The following GALNT18 variants were observed in gnomAD, a reference collection of about 807,000 sequenced individuals.
GALNT18 encodes polypeptide N-acetylgalactosaminyltransferase 18.
Under a neutral mutation model 69.5 loss-of-function variants are expected in GALNT18, and 44 were observed. The observed-to-expected ratio is 0.63, with a 90% CI of 0.50 to 0.81. The LOEUF is 0.81. GALNT18 is among the 40% of genes least tolerant of loss of function. The probability of loss-of-function intolerance (pLI) is 0.00; values close to 1 mark genes in which losing one functional copy is unlikely to be tolerated. For missense variants in GALNT18, 715 were observed against 810.0 expected, an observed-to-expected ratio of 0.88 and a Z score of 1.42; for synonymous variants, 364 against 318.2, an observed-to-expected ratio of 1.14 and a Z score of -1.53.
At chr11:11,508,710 TA>T (rs1266458528) in intron 1 of GALNT18, among the ~76,000 whole-genome samples, 15 of 152,208 alleles carry the variant, frequency 9.9e-5, no homozygotes, top group African/African-American at 3.6e-4. Flanking sequence ...TGGTTAATGA[TA>T]ATGAAGCCTT....
Position 11,439,895 on chromosome 11 carries a change from C to T in GALNT18, c.429-7108G>A, listed in dbSNP as rs1420770337. 6.6e-6 allele frequency among the ~76,000 whole-genome samples: 1 copy of T among 152,164 alleles called. No homozygotes were observed. The highest frequency in any genetic ancestry group is 2.4e-5 in the African/African-American group (1 of 41,428). ...GGGGTGAAGAACAGGATGATGGAGG[C>T]AGGGTGGGGATACTAAATATATCCA... is the stretch of plus-strand genomic sequence containing the variant. On this transcript the variant is annotated intron_variant, in intron 2 of 10. Coordinates refer to ENST00000227756, the MANE Select transcript of GALNT18 (RefSeq NM_198516.3). The surrounding 1 kb of genome is among the most constrained non-coding windows in gnomAD (Gnocchi z 4.4).
chr11:11,422,856 T>C (rs949831946), intron 3 of GALNT18, among the ~76,000 whole-genome samples: 1 of 152,170 alleles, frequency 6.6e-6, no homozygotes, highest in African/African-American at 2.4e-5. Context: ...ACATTGACTT[T>C]CTTACCAACA....
chr11:11,507,102 T>C (rs1200863013), intron 1 of GALNT18, among the ~76,000 whole-genome samples: 1 of 152,206 alleles, frequency 6.6e-6, no homozygotes, highest in Non-Finnish European at 1.5e-5. Flanking sequence ...GTTGGTTGGC[T>C]TCCTTGGCAC....
intron 1 of GALNT18, among the ~76,000 whole-genome samples, chr11:11,579,484 C>A (rs992553253): frequency 6.6e-6 from 1 of 152,140 alleles, no homozygotes; most frequent in Non-Finnish European, 1.5e-5. Flanking sequence ...TGGAGCTGCT[C>A]GGATTAGGTG....
At chr11:11,408,216 A>C (rs1019299851) in intron 3 of GALNT18, among the ~76,000 whole-genome samples, 1 of 152,040 alleles carries the variant, frequency 6.6e-6, no homozygotes, top group African/African-American at 2.4e-5. Context: ...AAATACAAAA[A>C]TTAGCCGGGT....
At chr11:11,394,561 G>A (rs1487361018) in intron 3 of GALNT18, among the ~76,000 whole-genome samples, 1 of 152,232 alleles carries the variant, frequency 6.6e-6, no homozygotes, top group African/African-American at 2.4e-5. Flanking sequence ...TACTGTAGCA[G>A]CAGAAGGAAC....
At chr11:11,392,034 C>T (rs1341213305) in intron 3 of GALNT18, among the ~76,000 whole-genome samples, 2 of 152,248 alleles carry the variant, frequency 1.3e-5, no homozygotes, top group African/African-American at 2.4e-5. Flanking sequence ...TAATGACCAA[C>T]ATTTATACTC....
chr11:11,310,109 A>C (rs1372667173), intron 9 of GALNT18, among the ~76,000 whole-genome samples: 1 of 152,158 alleles, frequency 6.6e-6, no homozygotes, highest in Non-Finnish European at 1.5e-5. Flanking sequence ...TGCTGACTCC[A>C]CTTCCTCATT....
At chr11:11,559,998 T>G (rs112476584) in intron 1 of GALNT18, among the ~76,000 whole-genome samples, 2,159 of 30,906 alleles carry the variant, frequency 0.07, no homozygotes, top group Middle Eastern at 0.21. Context: ...GATGGGATGG[T>G]GTGGAATAGA....
At position 11,464,665 on chromosome 11, in the gene GALNT18, A is replaced by C. The variant is rs1332714530; in HGVS notation, c.236-15729T>G. Among the ~76,000 whole-genome samples, 3 of 152,220 alleles carry C rather than the reference A, an allele frequency of 2.0e-5. No homozygotes were observed. In the East Asian group the frequency reaches 5.8e-4, roughly 29 times the overall value. On this transcript the variant is annotated intron_variant, in intron 1 of 10. Transcript: ENST00000227756. ...AAAATGAAATTCATTTATTTGATTA[A>C]TATGCATCAAGATACAGCAGTGCAG...
In GALNT18 at chr11:11,620,316, AG is replaced by A. The variant is rs1565045743; in HGVS notation, c.235+1042del. On this transcript the variant is annotated intron_variant, in intron 1 of 10. Transcript: ENST00000227756. The surrounding 1 kb of genome is among the most constrained non-coding windows in gnomAD (Gnocchi z 6.9). ...GGGGAGGGGAGGAAGTGTGGACGTG[AG>A]CGCGCGCGCGCGCGCGTGTGTGTGT... Among the ~76,000 whole-genome samples the A allele has an allele frequency of 3.4e-5, 5 of 147,900 alleles. No individual in the cohort carries two copies. Among genetic ancestry groups the A allele is most frequent in the Admixed American group, 2.0e-4 (3 of 14,908 alleles).
chr11:11,303,802 C>T (rs1362626364), intron 9 of GALNT18, among the ~76,000 whole-genome samples: 2 of 152,260 alleles, frequency 1.3e-5, no homozygotes, highest in Admixed American at 1.3e-4. Context: ...ACAAACTTAT[C>T]TTGCCAATCC....
Position 11,440,884 on chromosome 11 carries a change from G to A in GALNT18, c.428+7860C>T, listed in dbSNP as rs111503907. Among the ~76,000 whole-genome samples, 334 of 152,316 alleles carry A rather than the reference G, an allele frequency of 2.2e-3. 1 individual carries two copies. Among genetic ancestry groups the A allele is most frequent in the African/African-American group, 7.4e-3 (306 of 41,560 alleles). On this transcript the variant is annotated intron_variant, in intron 2 of 10. Transcript: ENST00000227756. Reference sequence around the variant, plus strand: ...AGTACCATCCCTAATTTACAGATAGGAAAACCAAGGCACAGAGAGGCCAAG... The same window carrying A: ...AGTACCATCCCTAATTTACAGATAGAAAAACCAAGGCACAGAGAGGCCAAG...
In GALNT18 at chr11:11,271,296, G is replaced by A. The variant is rs567656699; in HGVS notation, c.1678-6C>T. On this transcript the variant is annotated splice_polypyrimidine_tract_variant and splice_region_variant and intron_variant, in intron 10 of 10. Coordinates refer to ENST00000227756, the MANE Select transcript of GALNT18 (RefSeq NM_198516.3). Reference sequence around the variant, plus strand: ...CGGTTCTGGATGGGTCCTCCCTAGGGGCCAGGGCAGACAGTGGGGTCAGAG... The same window carrying A: ...CGGTTCTGGATGGGTCCTCCCTAGGAGCCAGGGCAGACAGTGGGGTCAGAG... The A allele has an allele frequency of 2.9e-5, 46 of 1,612,450 alleles. No homozygotes were observed. The highest frequency in any genetic ancestry group is 3.7e-5 in the Non-Finnish European group (44 of 1,178,674).
chr11:11,482,445 T>G (rs1047231633), intron 1 of GALNT18, among the ~76,000 whole-genome samples: 5 of 152,198 alleles, frequency 3.3e-5, no homozygotes, highest in Non-Finnish European at 7.3e-5. Flanking sequence ...TGGACTGTTC[T>G]GCAATGAGGG....
chr11:11,536,504 A>C (rs10831636), intron 1 of GALNT18, among the ~76,000 whole-genome samples: 1 of 151,852 alleles, frequency 6.6e-6, no homozygotes, highest in African/African-American at 2.4e-5. Context: ...CCCTCCTTAC[A>C]CCTCACTAGG....
rs1859674031 is a variant in GALNT18 at position 11,603,211 on chromosome 11, T to C, written c.235+18148A>G. ...AGAAAACTGGGCTGTAAACAAATAA[T>C]ACCCAACAGCCAAGACTAAGTGTTG... On this transcript the variant is annotated intron_variant, in intron 1 of 10. Coordinates refer to ENST00000227756, the MANE Select transcript of GALNT18 (RefSeq NM_198516.3). This position sits in a 1 kb window ranked among gnomAD's most constrained non-coding sequence, Gnocchi z 4.5. 6.6e-6 allele frequency among the ~76,000 whole-genome samples: 1 copy of C among 152,164 alleles called. No homozygotes were observed. The highest frequency in any genetic ancestry group is 1.5e-5 in the Non-Finnish European group (1 of 68,022).
Position 11,463,619 on chromosome 11 carries a change from C to T in GALNT18, c.236-14683G>A, listed in dbSNP as rs1165651724. Among the ~76,000 whole-genome samples the T allele has an allele frequency of 6.6e-6, 1 of 152,180 alleles. No individual in the cohort carries two copies. Among genetic ancestry groups the T allele is most frequent in the Non-Finnish European group, 1.5e-5 (1 of 68,042 alleles). ...TCCTAAGTCGTAAATCTCTCACCCC[C>T]AGCAGTCACAGCTGTATTTCATCAG... On this transcript the variant is annotated intron_variant, in intron 1 of 10. Transcript: ENST00000227756. This position sits in a 1 kb window ranked among gnomAD's most constrained non-coding sequence, Gnocchi z 4.2.
rs1471187159 is a variant in GALNT18 at position 11,587,827 on chromosome 11, T to A, written c.235+33532A>T. Among the ~76,000 whole-genome samples the A allele has an allele frequency of 1.3e-5, 2 of 151,650 alleles. No homozygotes were observed. Among genetic ancestry groups the A allele is most frequent in the African/African-American group, 4.8e-5 (2 of 41,314 alleles). ...CCCCCACCCTTTCATTTCATGAACC[T>A]CTTCTATGGTCCAAAGAATAATAAG... On this transcript the variant is annotated intron_variant, in intron 1 of 10. Transcript: ENST00000227756. This position sits in a 1 kb window ranked among gnomAD's most constrained non-coding sequence, Gnocchi z 4.4.
Sources: allele counts gnomAD v4.1 joint callset (sites outside exome capture counted in the v4.1 genomes callset), GRCh38; gene constraint gnomAD v4.1.1; non-coding constraint Gnocchi (gnomAD v3.1); transcripts MANE v1.5; gene names NCBI Gene and HGNC (gene_info 2026-07-23, HGNC 2026-07-21).